TMEM117: variants seen among roughly 807,000 people sequenced by gnomAD.
TMEM117 encodes the protein transmembrane protein 117.
Under a neutral mutation model 52.4 loss-of-function variants are expected in TMEM117, and 27 were observed. The observed-to-expected ratio is 0.51, with a 90% confidence interval of 0.38 to 0.71. The LOEUF is 0.71. Ranked by LOEUF, TMEM117 falls within the 30% of genes least tolerant of loss-of-function variation. TMEM117 has a pLI of 0.00. For missense variants in TMEM117, 556 were observed against 630.5 expected (o/e 0.88, Z 1.26); for synonymous variants, 215 against 206.3 (o/e 1.04, Z -0.36).
chr12:44,126,920 C>T (rs1017668507), intron 3 of TMEM117, among the ~76,000 whole-genome samples: 9 of 152,186 alleles, frequency 5.9e-5, no homozygotes, highest in Non-Finnish European at 8.8e-5. Flanking sequence ...AAAAAGAGAG[C>T]CATGTAGTTC....
Position 44,388,771 on chromosome 12 carries a change from A to G in TMEM117, c.*99A>G. 7.5e-7 allele frequency: 1 copy of G among 1,335,648 alleles called. No individual in the cohort carries two copies. Among genetic ancestry groups the G allele is most frequent in the Non-Finnish European group, 1.0e-6 (1 of 974,672 alleles). The allele number at this position is 1,335,648 out of a possible 1,614,324, so 82.7% of individuals were successfully genotyped here. ...GTATATGTAAGGTTTACGTAGTGTT[A>G]GGTAAAAATATGAACAATGCCACAA... On this transcript the variant is annotated 3_prime_UTR_variant, in exon 8 of 8. Transcript: ENST00000266534.
intron 2 of TMEM117, among the ~76,000 whole-genome samples, chr12:43,893,144 T>A (rs1321347330): frequency 6.6e-6 from 1 of 152,078 alleles, no homozygotes. Context: ...CGATAAGGAG[T>A]TTGGATTTTA....
chr12:44,228,693 T>C (rs1283641702), intron 5 of TMEM117, among the ~76,000 whole-genome samples: 1 of 152,036 alleles, frequency 6.6e-6, no homozygotes, highest in Non-Finnish European at 1.5e-5. Flanking sequence ...GCATCCCAAG[T>C]GCAGTATATA....
At chr12:43,805,417 G>A in the TMEM117 span, 15 of 383,434 alleles carry the variant, frequency 3.9e-5, no homozygotes, top group Non-Finnish European at 5.8e-5. Flanking sequence ...GTTCATCTGG[G>A]AGAAAGACTC....
chr12:44,091,694 T>C (rs1947675250), intron 3 of TMEM117, among the ~76,000 whole-genome samples: 1 of 152,154 alleles, frequency 6.6e-6, no homozygotes, highest in African/African-American at 2.4e-5. Flanking sequence ...CAGAATACAA[T>C]CAACTTTGCA....
intron 2 of TMEM117, among the ~76,000 whole-genome samples, chr12:43,883,120 T>C: frequency 1.3e-5 from 2 of 152,304 alleles, no homozygotes; most frequent in Admixed American, 1.3e-4. Context: ...TTTTTGTTCT[T>C]TATAATGTAA....
chr12:44,199,946 C>A (rs1565583053), intron 4 of TMEM117, among the ~76,000 whole-genome samples: 1 of 152,002 alleles, frequency 6.6e-6, no homozygotes, highest in Non-Finnish European at 1.5e-5. Flanking sequence ...GGTGAAATCC[C>A]ATCTCTACTA....
chr12:44,333,318 GC>G (rs1951297306), intron 6 of TMEM117, among the ~76,000 whole-genome samples: 1 of 151,966 alleles, frequency 6.6e-6, no homozygotes, highest in Admixed American at 6.6e-5. Flanking sequence ...AACCGGAACT[GC>G]CCTTTTGGAG....
At chr12:44,329,102 C>T (rs904395600) in intron 6 of TMEM117, among the ~76,000 whole-genome samples, 3 of 151,958 alleles carry the variant, frequency 2.0e-5, no homozygotes, top group Admixed American at 6.6e-5. Flanking sequence ...AAACATCTCT[C>T]AGGGTTTCAC....
chr12:44,009,074 G>A (rs191497397), intron 3 of TMEM117: 36 of 368,132 alleles, frequency 9.8e-5, no homozygotes, highest in African/African-American at 8.0e-4. Flanking sequence ...TCTCTCCTGT[G>A]TGGTGTTTCC....
intron 2 of TMEM117, among the ~76,000 whole-genome samples, chr12:43,864,097 T>G (rs1943539517): frequency 1.3e-5 from 2 of 152,168 alleles, no homozygotes; most frequent in Admixed American, 6.5e-5. Flanking sequence ...AGCGCTGCGC[T>G]GGATTTCTCA....
At chr12:43,837,744 C>T (rs79840824) in intron 1 of TMEM117, among the ~76,000 whole-genome samples, 3,239 of 152,298 alleles carry the variant, frequency 0.021, 99 homozygotes, top group African/African-American at 0.074. Context: ...TGCTCCGGCT[C>T]ATAAATATTT....
chr12:44,182,068 G>A lies in TMEM117; in HGVS notation c.511-29222G>A, dbSNP rs565939370. Among the ~76,000 whole-genome samples, 114 of 151,354 alleles carry A rather than the reference G, an allele frequency of 7.5e-4. 1 individual carries two copies. The highest frequency in any genetic ancestry group is 2.6e-3 in the African/African-American group (107 of 40,730). On this transcript the variant is annotated intron_variant, in intron 4 of 7. Transcript: ENST00000266534. ...GTAGTTCTCCTTGAAGAGGTCCTTTGCATTCCTTGTAAGTTGGATTCCTAG... is the reference window on the plus strand; with the variant it reads ...GTAGTTCTCCTTGAAGAGGTCCTTTACATTCCTTGTAAGTTGGATTCCTAG...
intron 6 of TMEM117, among the ~76,000 whole-genome samples, chr12:44,306,882 C>T (rs941171115): frequency 1.4e-4 from 22 of 152,114 alleles, no homozygotes; most frequent in African/African-American, 3.9e-4. Flanking sequence ...AATAAATTGT[C>T]GTTAGGTGTT....
intron 3 of TMEM117, among the ~76,000 whole-genome samples, chr12:43,947,119 A>T (rs1041381777): frequency 1.3e-5 from 2 of 152,204 alleles, no homozygotes; most frequent in African/African-American, 4.8e-5. Context: ...GGATCACTTA[A>T]GGCCAGAAGT....
rs567299530 is a variant in TMEM117, at chr12:43,990,006, T to C, written c.410+45664T>C. On this transcript the variant is annotated intron_variant, in intron 3 of 7. Transcript: ENST00000266534. Reference sequence around the variant, plus strand: ...CAGATGGCATTTTAGACTATATTTCTAAAATGGGAAACATGCCCTTTGGTA... The same window carrying C: ...CAGATGGCATTTTAGACTATATTTCCAAAATGGGAAACATGCCCTTTGGTA... Among the ~76,000 whole-genome samples, 59 of 152,236 alleles carry C rather than the reference T, an allele frequency of 3.9e-4. No homozygotes were observed. The East Asian group carries it at 0.01, about 26-fold the overall frequency.
chr12:44,197,708 T>C (rs1306161772), intron 4 of TMEM117, among the ~76,000 whole-genome samples: 1 of 152,186 alleles, frequency 6.6e-6, no homozygotes, highest in East Asian at 1.9e-4. Flanking sequence ...TTTTTGATTG[T>C]GTATATTTCT....
intron 5 of TMEM117, among the ~76,000 whole-genome samples, chr12:44,286,794 G>C (rs1410864088): frequency 6.6e-6 from 1 of 152,124 alleles, no homozygotes; most frequent in Non-Finnish European, 1.5e-5. Context: ...GCTCTAAAAT[G>C]CATGTTTCCA....
At chr12:44,099,156 T>C (rs1947821371) in intron 3 of TMEM117, among the ~76,000 whole-genome samples, 1 of 152,126 alleles carries the variant, frequency 6.6e-6, no homozygotes, top group Non-Finnish European at 1.5e-5. Flanking sequence ...TCCACTTTTC[T>C]AAAGAGATCT....
Sources: gnomAD v4.1 joint callset for allele counts (sites outside exome capture counted in the v4.1 genomes callset) on GRCh38, gnomAD v4.1.1 for gene constraint, MANE v1.5 for transcripts, NCBI Gene and HGNC (gene_info 2026-07-23, HGNC 2026-07-21) for gene names.